The following TSGA10 variants were observed in gnomAD, a reference collection of about 807,000 sequenced individuals.
TSGA10 encodes the protein testis-specific gene 10 protein.
In TSGA10, 43 loss-of-function variants were observed where a neutral mutation model predicts 96.6. The observed-to-expected ratio is 0.44, with a 90% confidence interval of 0.35 to 0.57. The LOEUF (loss-of-function observed/expected upper bound fraction) is 0.57, where lower values mean the gene tolerates loss of function less well. Among genes scored for constraint, TSGA10 ranks in the 20% least tolerant of loss-of-function variants. The pLI is 0.01. For synonymous variants in TSGA10, 229 were observed against 269.9 expected, an observed-to-expected ratio of 0.85 and a Z score of 1.48; for missense variants, 703 against 834.4, an observed-to-expected ratio of 0.84 and a Z score of 1.94.
At chr2:99,012,352 T>A (rs1056586082) in intron 20 of TSGA10, among the ~76,000 whole-genome samples, 1 of 152,180 alleles carries the variant, frequency 6.6e-6, no homozygotes, top group Admixed American at 6.5e-5. Context: ...ATGTTGAATG[T>A]AAAGAGCCTA....
rs1019009194 is a variant in TSGA10, at chr2:99,143,913, T to C, written c.-621+10780A>G. Among the ~76,000 whole-genome samples the C allele has an allele frequency of 6.6e-5, 10 of 152,316 alleles. No homozygotes were observed. The East Asian group carries it at 1.2e-3, about 18-fold the overall frequency. On this transcript the variant is annotated intron_variant, in intron 1 of 20. Coordinates refer to ENST00000393483, the MANE Select transcript of TSGA10 (RefSeq NM_025244.4). The stretch of plus-strand genomic sequence containing the variant: ...TCTGTTATTACTATTTTTTGTTTTG[T>C]TTTCACTGTCCTCTTCCTGATCCCC...
At chr2:99,035,168 C>A (rs2081509782) in intron 17 of TSGA10, 62 bp downstream of exon 17, 1 of 1,288,786 alleles carries the variant, frequency 7.8e-7, no homozygotes, top group Admixed American at 2.6e-5. Context: ...ACTTACTTTT[C>A]CAAAATTATA....
At position 99,022,068 on chromosome 2, in the gene TSGA10, G is replaced by A. The variant is rs1225239367; in HGVS notation, c.1615-1586C>T. On this transcript the variant is annotated intron_variant, in intron 17 of 20. Transcript: ENST00000393483. ...AGGTTGGGCATGGTGGCTAACACTT[G>A]TAATCCCAGCACTCTGGGAGGCCAA... Among the ~76,000 whole-genome samples, 3 of 152,024 alleles carry A rather than the reference G, an allele frequency of 2.0e-5. No individual in the cohort carries two copies. The East Asian group carries it at 5.8e-4, about 29-fold the overall frequency.
At position 99,022,737 on chromosome 2, in the gene TSGA10, T is replaced by C. The variant is rs1558754136; in HGVS notation, c.1615-2255A>G. Among the ~76,000 whole-genome samples the C allele has an allele frequency of 2.0e-5, 3 of 152,230 alleles. No individual in the cohort carries two copies. The South Asian group carries it at 6.2e-4, about 32-fold the overall frequency. On this transcript the variant is annotated intron_variant, in intron 17 of 20. Coordinates refer to ENST00000393483, the MANE Select transcript of TSGA10 (RefSeq NM_025244.4). ...ATTTATGAGCTGTAAGGCAATCTAA[T>C]TTTTAACATTTTGAGGAACTGACAA...
At chr2:99,032,508 T>A (rs1256066598) in intron 17 of TSGA10, among the ~76,000 whole-genome samples, 1 of 152,214 alleles carries the variant, frequency 6.6e-6, no homozygotes, top group African/African-American at 2.4e-5. Context: ...CTTTGCCACT[T>A]GGAGACCAAG....
At chr2:99,062,952 T>A (rs1263756591) in intron 16 of TSGA10, among the ~76,000 whole-genome samples, 1 of 152,212 alleles carries the variant, frequency 6.6e-6, no homozygotes, top group Non-Finnish European at 1.5e-5. Context: ...GACAGGTTAA[T>A]AAGGACCAAG....
chr2:99,002,796 A>C (rs1188294613), intron 20 of TSGA10, among the ~76,000 whole-genome samples: 2 of 152,178 alleles, frequency 1.3e-5, no homozygotes, highest in East Asian at 3.8e-4. Flanking sequence ...GGAAGGTCTA[A>C]CAAGCAAATG....
chr2:99,001,963 C>T (rs1249114245), intron 20 of TSGA10, among the ~76,000 whole-genome samples: 1 of 152,096 alleles, frequency 6.6e-6, no homozygotes, highest in Non-Finnish European at 1.5e-5. Context: ...ACGAACAAAG[C>T]CTCCAAGAAA....
intron 2 of TSGA10, chr2:99,125,144 C>T (rs2092761936): frequency 6.6e-6 from 1 of 152,108 alleles, no homozygotes; most frequent in Non-Finnish European, 1.5e-5. Context: ...ATTTCGTAGC[C>T]TTTTCAGCTT....
At chr2:99,004,957 C>T (rs1451999505) in intron 20 of TSGA10, among the ~76,000 whole-genome samples, 1 of 152,194 alleles carries the variant, frequency 6.6e-6, no homozygotes, top group African/African-American at 2.4e-5. Flanking sequence ...ATCAAGTGGG[C>T]TTCATCCCTG....
At chr2:99,033,752 A>C (rs2081350789) in intron 17 of TSGA10, among the ~76,000 whole-genome samples, 1 of 151,834 alleles carries the variant, frequency 6.6e-6, no homozygotes, top group African/African-American at 2.4e-5. Context: ...AGGCAGGAGA[A>C]TTGTTTGAAC....
At chr2:99,114,155 G>A (rs965679736) in intron 4 of TSGA10, among the ~76,000 whole-genome samples, 4 of 152,100 alleles carry the variant, frequency 2.6e-5, no homozygotes, top group African/African-American at 9.6e-5. Flanking sequence ...CTCTACCTCC[G>A]CATACCCAGA....
chr2:99,125,174 T>A (rs1395187117), intron 2 of TSGA10: 1 of 152,212 alleles, frequency 6.6e-6, no homozygotes, highest in East Asian at 1.9e-4. Flanking sequence ...TTTTCAAGGT[T>A]CACTCTGGGT....
chr2:99,150,810 A>G (rs1257875398), intron 1 of TSGA10: 26 of 1,592,122 alleles, frequency 1.6e-5, no homozygotes, highest in African/African-American at 2.7e-5. Context: ...AAAGTGATGG[A>G]CTAGAAATGA....
At chr2:99,046,928 G>C (rs1444051637) in intron 16 of TSGA10, among the ~76,000 whole-genome samples, 2 of 152,192 alleles carry the variant, frequency 1.3e-5, no homozygotes, top group African/African-American at 4.8e-5. Context: ...ACTACCATCA[G>C]AGAATACTAT....
chr2:99,005,677 T>C (rs1283031935), intron 20 of TSGA10, among the ~76,000 whole-genome samples: 8 of 152,126 alleles, frequency 5.3e-5, no homozygotes, highest in Non-Finnish European at 1.0e-4. Context: ...TCCATGCTCA[T>C]GGGTAGGAAG....
chr2:99,115,763 C>T (rs1196171286), intron 4 of TSGA10, among the ~76,000 whole-genome samples: 1 of 151,980 alleles, frequency 6.6e-6, no homozygotes, highest in African/African-American at 2.4e-5. Context: ...GCCTGTAATC[C>T]CAGCTACTCG....
intron 16 of TSGA10, among the ~76,000 whole-genome samples, chr2:99,046,368 A>G (rs2082774182): frequency 6.6e-6 from 1 of 152,162 alleles, no homozygotes; most frequent in African/African-American, 2.4e-5. Flanking sequence ...ATTATAACAA[A>G]CTGTCTCTCA....
chr2:99,087,015 T>C (rs920522021), intron 10 of TSGA10, among the ~76,000 whole-genome samples: 7 of 151,578 alleles, frequency 4.6e-5, no homozygotes, highest in Admixed American at 2.0e-4. Context: ...CCATCCTGGC[T>C]AACACAGTGA....
Sources: allele counts gnomAD v4.1 joint callset (sites outside exome capture counted in the v4.1 genomes callset), GRCh38; gene constraint gnomAD v4.1.1; transcripts MANE v1.5; gene names NCBI Gene and HGNC (gene_info 2026-07-23, HGNC 2026-07-21).